The following GRIP1 variants were observed in gnomAD, a reference collection of about 807,000 sequenced individuals.
The protein encoded by GRIP1 is glutamate receptor-interacting protein 1.
A neutral mutation model predicts 129.9 loss-of-function variants in GRIP1; 45 were observed. That is an observed-to-expected ratio of 0.35 (90% CI 0.27 to 0.44). GRIP1 has a LOEUF of 0.44. Among genes scored for constraint, GRIP1 ranks in the 20% least tolerant of loss-of-function variants. The probability of loss-of-function intolerance (pLI) is 1.00; values close to 1 mark genes in which losing one functional copy is unlikely to be tolerated. For missense variants in GRIP1, 1,196 were observed against 1,396.8 expected (o/e 0.86, Z 2.29); for synonymous variants, 530 against 520.8 (o/e 1.02, Z -0.24).
Position 66,820,839 on chromosome 12 carries a change from G to T in GRIP1, c.59-223912C>A, listed in dbSNP as rs557997261. On this transcript the variant is annotated intron_variant, in intron 1 of 1. Coordinates refer to the GRIP1 transcript ENST00000643019. ...CAATTAAAAAAAAAAAACAGGGGTT[G>T]CTAGTAATCAGAAGGAGGGGTGGAT... Among the ~76,000 whole-genome samples, 22 of 152,132 alleles carry T rather than the reference G, an allele frequency of 1.4e-4. No homozygotes were observed. In the East Asian group the frequency reaches 4.2e-3, roughly 29 times the overall value.
intron 1 of GRIP1, among the ~76,000 whole-genome samples, chr12:66,974,995 G>A (rs1012102421): frequency 1.3e-5 from 2 of 152,144 alleles, no homozygotes; most frequent in African/African-American, 4.8e-5. Flanking sequence ...CTGCACTGAA[G>A]GAGACATGGA....
chr12:66,964,002 A>C (rs1056927274), intron 1 of GRIP1, among the ~76,000 whole-genome samples: 2 of 152,158 alleles, frequency 1.3e-5, no homozygotes, highest in Admixed American at 1.3e-4. Context: ...CAATCACATT[A>C]CAAGTTCTCT....
At position 66,445,518 on chromosome 12, in the gene GRIP1, C is replaced by G. The variant is rs776867245; in HGVS notation, c.1355-10G>C. 6.3e-7 allele frequency: 1 copy of G among 1,596,552 alleles called. No individual in the cohort carries two copies. Among genetic ancestry groups the G allele is most frequent in the Non-Finnish European group, 8.5e-7 (1 of 1,173,466 alleles). On this transcript the variant is annotated splice_polypyrimidine_tract_variant and intron_variant, in intron 11 of 24. Coordinates refer to ENST00000359742, the MANE Select transcript of GRIP1 (RefSeq NM_001366722.1). ...CTGGAGGCTAAGGACACTAGAGGAA[C>G]AAACAGAAAATACTGACTTTAGGTT...
intron 1 of GRIP1, among the ~76,000 whole-genome samples, chr12:66,796,777 A>T (rs1038219181): frequency 6.6e-6 from 1 of 152,146 alleles, no homozygotes; most frequent in Non-Finnish European, 1.5e-5. Context: ...CAATCTTCCT[A>T]TTCTTGAAAG....
intron 1 of GRIP1, among the ~76,000 whole-genome samples, chr12:66,609,543 TCATTTGCTTCTAAGA>T (rs2064697830): frequency 6.6e-6 from 1 of 152,204 alleles, no homozygotes; most frequent in African/African-American, 2.4e-5. Flanking sequence ...CAAATTATCT[TCATTTGCTTCTAAGA>T]CAAATTATTC....
intron 2 of GRIP1, among the ~76,000 whole-genome samples, chr12:66,557,976 G>A (rs1051055479): frequency 3.9e-5 from 6 of 152,060 alleles, no homozygotes; most frequent in South Asian, 2.1e-4. Flanking sequence ...AAATGAAACT[G>A]AAATGAAGAA....
chr12:66,499,639 T>A (rs1478178196), intron 7 of GRIP1, among the ~76,000 whole-genome samples: 2 of 152,092 alleles, frequency 1.3e-5, no homozygotes, highest in Non-Finnish European at 2.9e-5. Context: ...AGGAAGCATC[T>A]AAAAAAAGAT....
chr12:67,013,915 G>A (rs1356048144), intron 1 of GRIP1, among the ~76,000 whole-genome samples: 1 of 152,204 alleles, frequency 6.6e-6, no homozygotes, highest in African/African-American at 2.4e-5. Context: ...TGGTTTAGGA[G>A]TTTGTCCAAT....
intron 1 of GRIP1, among the ~76,000 whole-genome samples, chr12:66,796,821 T>C (rs943814321): frequency 2.6e-5 from 4 of 152,286 alleles, no homozygotes; most frequent in South Asian, 4.2e-4. Flanking sequence ...TCAAGCATTA[T>C]ATTTTATTAT....
At chr12:66,367,969 G>C (rs2055248068) in intron 23 of GRIP1, among the ~76,000 whole-genome samples, 1 of 152,200 alleles carries the variant, frequency 6.6e-6, no homozygotes, top group Non-Finnish European at 1.5e-5. Flanking sequence ...TCAGCTTCAG[G>C]AATGAATATG....
In GRIP1 at chr12:67,031,334, C is replaced by G. The variant is rs139866959; in HGVS notation, c.58+37716G>C. Reference sequence around the variant, plus strand: ...ATGCTAAACTACACAAAATCCTGTTCCTGTATCTTCTGCCACATCCTCACA... The same window carrying G: ...ATGCTAAACTACACAAAATCCTGTTGCTGTATCTTCTGCCACATCCTCACA... On this transcript the variant is annotated intron_variant, in intron 1 of 1. Transcript: ENST00000643019. Among the ~76,000 whole-genome samples, 11 of 152,282 alleles carry G rather than the reference C, an allele frequency of 7.2e-5. No individual in the cohort carries two copies. The East Asian group carries it at 2.1e-3, about 29-fold the overall frequency.
intron 1 of GRIP1, among the ~76,000 whole-genome samples, chr12:66,955,504 G>GTTTTT (rs71088226): frequency 1.7e-5 from 2 of 114,538 alleles, no homozygotes; most frequent in Non-Finnish European, 3.4e-5. Context: ...TACTTTTTTG[G>GTTTTT]TTTTTTTTTT....
chr12:66,455,605 G>A (rs1364848183), intron 10 of GRIP1, 41 bp from the exon 11 acceptor site: 2 of 1,592,112 alleles, frequency 1.3e-6, no homozygotes, highest in Non-Finnish European at 1.7e-6. Context: ...ACTCTCAGGT[G>A]AGGTGTGAGC....
intron 1 of GRIP1, among the ~76,000 whole-genome samples, chr12:66,709,986 GA>G (rs975761444): frequency 5.3e-5 from 8 of 151,918 alleles, no homozygotes; most frequent in Non-Finnish European, 1.2e-4. Context: ...GGAAACTAAG[GA>G]AACGCCATTC....
chr12:67,064,999 G>A (rs960131567), intron 1 of GRIP1: 1 of 145,632 alleles, frequency 6.9e-6, no homozygotes, highest in African/African-American at 2.6e-5. Flanking sequence ...GAGAATATGC[G>A]GTGTTTGGTT....
chr12:66,722,499 GATC>G (rs1429206150), intron 1 of GRIP1, among the ~76,000 whole-genome samples: 1 of 152,098 alleles, frequency 6.6e-6, no homozygotes, highest in East Asian at 1.9e-4. Context: ...ACTAACCACA[GATC>G]ACCATAACAG....
Position 66,444,645 on chromosome 12 carries a change from C to G in GRIP1, c.1626G>C (p.Gln542His). The change falls in exon 13 of 25, where the codon CAG becomes CAC. Residue 542 changes from glutamine to histidine, a missense_variant. By Grantham distance (24) the Gln-to-His change is conservative. Around this residue, in one of 5 missense-constraint regions of GRIP1, gnomAD observed 508 missense variants for 587.0 expected, o/e 0.87. Transcript: ENST00000359742. ...TCGTGATTGAAGAGTCTCGGAGGAG[C>G]TGACTGGCTTCTTCGAAGGTGCTGT... Reference protein sequence around the residue: ...TEDSTFEEASQLLRDSSITSK... With the variant: ...TEDSTFEEASHLLRDSSITSK... 1 of 1,614,106 alleles carries G rather than the reference C, an allele frequency of 6.2e-7. No homozygotes were observed. Among genetic ancestry groups the G allele is most frequent in the Non-Finnish European group, 8.5e-7 (1 of 1,180,000 alleles).
chr12:66,471,534 T>A (rs976444851), intron 7 of GRIP1, among the ~76,000 whole-genome samples: 2 of 152,222 alleles, frequency 1.3e-5, no homozygotes, highest in Admixed American at 6.5e-5. Flanking sequence ...AATTGTATGT[T>A]ATGTGAATTT....
chr12:66,892,800 A>C (rs1211650350), intron 1 of GRIP1, among the ~76,000 whole-genome samples: 1 of 152,044 alleles, frequency 6.6e-6, no homozygotes, highest in Non-Finnish European at 1.5e-5. Flanking sequence ...CTCTACAAAA[A>C]TTTCATTTTA....
Sources: allele counts gnomAD v4.1 joint callset (sites outside exome capture counted in the v4.1 genomes callset), GRCh38; gene constraint gnomAD v4.1.1; regional missense constraint gnomAD v4.1.1; transcripts MANE v1.5; gene names NCBI Gene and HGNC (gene_info 2026-07-23, HGNC 2026-07-21).